The following FBN2 variants were observed in gnomAD, a reference collection of about 807,000 sequenced individuals.
FBN2 encodes the protein fibrillin 2.
In FBN2, 105 loss-of-function variants were observed where a neutral mutation model predicts 355.6. The observed-to-expected ratio is 0.30, with a 90% CI of 0.25 to 0.35. The LOEUF (loss-of-function observed/expected upper bound fraction) is 0.35, where lower values mean the gene tolerates loss of function less well. FBN2 is among the 10% of genes least tolerant of loss of function. The pLI is 1.00. For synonymous variants in FBN2, 1,350 were observed against 1,301.2 expected (o/e 1.04, Z -0.81); for missense variants, 3,280 against 3,758.7 (o/e 0.87, Z 3.33).
At position 128,477,480 on chromosome 5, in the gene FBN2, T is replaced by G. The variant is rs1056060256; in HGVS notation, c.629-12559A>C. On this transcript the variant is annotated intron_variant, in intron 5 of 64. Coordinates refer to ENST00000262464, the MANE Select transcript of FBN2 (RefSeq NM_001999.4). ...ATAAAACACTTAAAGATAAAAGTTT[T>G]AGAGACAAGAATCTGCTATAATGAC... Among the ~76,000 whole-genome samples, 7 of 152,338 alleles carry G rather than the reference T, an allele frequency of 4.6e-5. No individual in the cohort carries two copies. The South Asian group carries it at 8.3e-4, about 18-fold the overall frequency.
chr5:128,434,398 A>ACATATATATG (rs1561455104), intron 7 of FBN2, among the ~76,000 whole-genome samples: 2 of 71,554 alleles, frequency 2.8e-5, no homozygotes, highest in African/African-American at 1.3e-4. Context: ...AAGTGTGTAT[A>ACATATATATG]TATATATATA....
At position 128,537,505 on chromosome 5, in the gene FBN2, A is replaced by G. The variant is rs1756888827; in HGVS notation, c.99T>C (p.Pro33=). 6.3e-7 allele frequency: 1 copy of G among 1,579,294 alleles called. No homozygotes were observed. ...AQGTAGQPQP[P]PPKPPRPQPP... is the part of the protein sequence containing the mutation. ...GCTGGGGCCGGGGCGGCTTGGGCGG[A>G]GGAGGCTGAGGCTGGCCGGCCGTGC... The change falls in exon 1 of 65, where the codon CCT becomes CCC. Residue 33 remains proline, a synonymous_variant. Coordinates refer to ENST00000262464, the MANE Select transcript of FBN2 (RefSeq NM_001999.4).
intron 4 of FBN2, among the ~76,000 whole-genome samples, chr5:128,520,957 A>G (rs1223140569): frequency 6.6e-6 from 1 of 152,178 alleles, no homozygotes; most frequent in Non-Finnish European, 1.5e-5. Context: ...GGGAACATGA[A>G]AAAAATAAAG....
intron 5 of FBN2, among the ~76,000 whole-genome samples, chr5:128,505,674 ATAG>A (rs1468140884): frequency 6.6e-6 from 1 of 152,036 alleles, no homozygotes; most frequent in Non-Finnish European, 1.5e-5. Context: ...GCAAGTCGTC[ATAG>A]TAGTTTTAAT....
At chr5:128,292,885 G>C (rs1749366444) in intron 48 of FBN2, among the ~76,000 whole-genome samples, 1 of 152,108 alleles carries the variant, frequency 6.6e-6, no homozygotes, top group Non-Finnish European at 1.5e-5. Flanking sequence ...ACCTCCTGCG[G>C]TGCTCCCATC....
In FBN2 at chr5:128,537,422, G is replaced by A. The variant is rs200722548; in HGVS notation, c.182C>T (p.Pro61Leu). 1.2e-5 allele frequency: 19 copies of A among 1,609,758 alleles called. No individual in the cohort carries two copies. The African/African-American group carries it at 1.9e-4, about 16-fold the overall frequency. The change falls in exon 1 of 65, where the codon CCC becomes CTC. Residue 61 changes from proline (P) to leucine (L), a missense_variant. Pro to Leu is a moderately conservative substitution (Grantham distance 98, BLOSUM62 -3). Transcript: ENST00000262464. ...TGCGGCACCCTCCTCGCGATACTCG[G>A]GCGCTAGAAACCCGCCTTCAGAGCC... ...TAGSEGGFLA[P>L]EYREEGAAVA... is the part of the protein sequence containing the mutation.
In FBN2 at chr5:128,263,586, C is replaced by G; in HGVS notation, c.8031G>C (p.Lys2677Asn). The change falls in exon 63 of 65, where the codon AAG becomes AAC. Residue 2677 changes from lysine to asparagine, a missense_variant. This residue lies in a region of FBN2 where 311 missense variants were observed against 319.1 expected (regional missense o/e 0.97). Coordinates refer to ENST00000262464, the MANE Select transcript of FBN2 (RefSeq NM_001999.4). ...AGGAGAACCCCGAGGGGCAGGCGCA[C>G]TTGTAACTCCCCAGGGTGTTGTAGC... Reference protein sequence around the residue: ...ASCYNTLGSYKCACPSGFSFD... With the variant: ...ASCYNTLGSYNCACPSGFSFD... The G allele has an allele frequency of 6.2e-7, 1 of 1,614,096 alleles. No homozygotes were observed. Among genetic ancestry groups the G allele is most frequent in the Non-Finnish European group, 8.5e-7 (1 of 1,179,984 alleles).
At chr5:128,388,959 T>C (rs1165186765) in intron 11 of FBN2, among the ~76,000 whole-genome samples, 1 of 152,228 alleles carries the variant, frequency 6.6e-6, no homozygotes, top group Non-Finnish European at 1.5e-5. Flanking sequence ...TTTCTACCTC[T>C]GTTTCAGGGA....
chr5:128,359,553 A>G (rs1173574426), intron 19 of FBN2, among the ~76,000 whole-genome samples: 1 of 152,078 alleles, frequency 6.6e-6, no homozygotes, highest in African/African-American at 2.4e-5. Flanking sequence ...ATTTCCTCCA[A>G]TGTCATAAGG....
At chr5:128,287,281 G>A (rs1431127198) in intron 54 of FBN2, 27 bp downstream of exon 54, 11 of 1,612,486 alleles carry the variant, frequency 6.8e-6, no homozygotes, top group Middle Eastern at 1.6e-4. Flanking sequence ...AATAAAGTTC[G>A]AACTACTCCC....
In FBN2 at chr5:128,273,858, T is replaced by C. The variant is rs762538141; in HGVS notation, c.7822A>G (p.Thr2608Ala). 4.3e-6 allele frequency: 7 copies of C among 1,614,000 alleles called. No individual in the cohort carries two copies. In the South Asian group the frequency reaches 7.7e-5, roughly 18 times the overall value. The change falls in exon 61 of 65, where the codon ACC becomes GCC. Residue 2608 changes from threonine to alanine, a missense_variant. Thr to Ala is a moderately conservative substitution (Grantham distance 58). This residue lies in a region of FBN2 where 2,284 missense variants were observed against 2,749.5 expected (regional missense o/e 0.83). Transcript: ENST00000262464. Reference protein sequence around the residue: ...ECQRGFSLDATGLNCEDVDEC... With the variant: ...ECQRGFSLDAAGLNCEDVDEC... ...AACTAACCTTCACAGTTCAGTCCGG[T>C]GGCATCAAGAGAGAACCCTCTTTGG...
At position 128,530,600 on chromosome 5, in the gene FBN2, T is replaced by G. The variant is rs755940070; in HGVS notation, c.431A>C (p.Lys144Thr). Reference sequence around the variant, plus strand: ...GCCACAAGTAAGAAACATACTTGATTTTGATCCACAGGTTGATGATATTTG... The same window carrying G: ...GCCACAAGTAAGAAACATACTTGATGTTGATCCACAGGTTGATGATATTTG... ...SGQISSTCGS[K>T]SIQQCSVRCM... The change falls in exon 3 of 65, where the codon AAA (lysine) becomes ACA (threonine). Residue 144 changes from lysine (K) to threonine (T), a missense_variant. Physicochemically the swap from Lys to Thr is moderately conservative, Grantham distance 78 (BLOSUM62 -1). This residue lies in a region of FBN2 where 130 missense variants were observed against 189.9 expected (regional missense o/e 0.68). Transcript: ENST00000262464. 3 of 1,608,200 alleles carry G rather than the reference T, an allele frequency of 1.9e-6. No homozygotes were observed.
chr5:128,334,874 T>C (rs780294078), intron 30 of FBN2, 30 bp from the exon 31 acceptor site: 1 of 1,580,910 alleles, frequency 6.3e-7, no homozygotes, highest in Non-Finnish European at 8.7e-7. Context: ...TATCTTAGTA[T>C]GTGCTCATCA....
intron 19 of FBN2, among the ~76,000 whole-genome samples, chr5:128,359,095 A>C (rs540866637): frequency 6.6e-6 from 1 of 152,170 alleles, no homozygotes; most frequent in South Asian, 2.1e-4. Flanking sequence ...AAAAATTTTA[A>C]CTTTCACAGA....
intron 15 of FBN2, 78 bp from the exon 16 acceptor site, chr5:128,369,412 C>A: frequency 6.9e-7 from 1 of 1,455,186 alleles, no homozygotes; most frequent in Non-Finnish European, 9.5e-7. Context: ...TTCTTTTAAC[C>A]TAAGTGGCCA....
intron 5 of FBN2, among the ~76,000 whole-genome samples, chr5:128,504,541 T>C (rs1174368307): frequency 6.6e-6 from 1 of 152,186 alleles, no homozygotes; most frequent in African/African-American, 2.4e-5. Flanking sequence ...GGGATCATTA[T>C]GGAGCTTTAA....
In FBN2 at chr5:128,292,933, T is replaced by C. The variant is rs1749368188; in HGVS notation, c.6167-1279A>G. On this transcript the variant is annotated intron_variant, in intron 48 of 64. Transcript: ENST00000262464. ...CTCCAGTACAATGTCTGTCACATTGTATTATAAGGATGTCTTCACAAAACA... is the reference window on the plus strand; with the variant it reads ...CTCCAGTACAATGTCTGTCACATTGCATTATAAGGATGTCTTCACAAAACA... 1.3e-5 allele frequency among the ~76,000 whole-genome samples: 2 copies of C among 152,172 alleles called. 1 individual carries two copies. Among genetic ancestry groups the C allele is most frequent in the South Asian group, 4.1e-4 (2 of 4,830 alleles).
chr5:128,506,811 A>G (rs1356511705), intron 5 of FBN2, among the ~76,000 whole-genome samples: 1 of 152,050 alleles, frequency 6.6e-6, no homozygotes, highest in East Asian at 1.9e-4. Flanking sequence ...CTGTTTTGGG[A>G]ACAGATTTTG....
chr5:128,374,388 C>T (rs2126954271), intron 15 of FBN2, among the ~76,000 whole-genome samples: 1 of 152,042 alleles, frequency 6.6e-6, no homozygotes, highest in Admixed American at 6.5e-5. Context: ...TCTGTCCTAA[C>T]ACGAATCTAC....
Sources: gnomAD v4.1 joint callset for allele counts (sites outside exome capture counted in the v4.1 genomes callset) on GRCh38, gnomAD v4.1.1 for gene constraint, gnomAD v4.1.1 regional missense constraint, MANE v1.5 for transcripts, NCBI Gene and HGNC (gene_info 2026-07-23, HGNC 2026-07-21) for gene names.